The following PAK3 variants were observed in gnomAD, a reference collection of about 807,000 sequenced individuals.
PAK3 encodes the protein serine/threonine-protein kinase PAK 3.
PAK3 carries 4 observed loss-of-function variants against 41.0 expected under a neutral mutation model. The ratio of observed to expected loss-of-function variants is 0.10; its 90% CI spans 0.05 to 0.22. PAK3 has a LOEUF of 0.22. Ranked by LOEUF, PAK3 falls within the 10% of genes least tolerant of loss-of-function variation. The pLI is 1.00. For synonymous variants in PAK3, 146 were observed against 139.6 expected (o/e 1.05, Z -0.32); for missense variants, 205 against 409.9 (o/e 0.50, Z 4.32).
intron 16 of PAK3, among the ~76,000 whole-genome samples, chrX:111,209,960 C>G (rs941637332): frequency 9.0e-6 from 1 of 111,584 alleles, no homozygotes; most frequent in Non-Finnish European, 1.9e-5. Flanking sequence ...ACTTGGTAAC[C>G]TAGTTTTCTC....
At chrX:111,105,275 T>A (rs1362269893) in intron 4 of PAK3, among the ~76,000 whole-genome samples, 1 of 111,142 alleles carries the variant, frequency 9.0e-6, no homozygotes. Context: ...TATCATATTC[T>A]CACACACACA....
intron 1 of PAK3, among the ~76,000 whole-genome samples, chrX:110,989,859 CCCT>C (rs908834195): frequency 9.0e-6 from 1 of 110,951 alleles, no homozygotes; most frequent in Non-Finnish European, 1.9e-5. Context: ...GTCTTCAGTC[CCCT>C]CCTCCTAAAG....
chrX:111,001,718 C>G (rs1388542058), intron 1 of PAK3, among the ~76,000 whole-genome samples: 4 of 111,641 alleles, frequency 3.6e-5, no homozygotes, highest in African/African-American at 6.5e-5. Flanking sequence ...GCAAGCAGCC[C>G]CCTGGCCTGA....
chrX:110,977,169 C>T (rs183699847), intron 1 of PAK3, among the ~76,000 whole-genome samples: 5 of 109,631 alleles, frequency 4.6e-5, no homozygotes, highest in Middle Eastern at 4.8e-3. Flanking sequence ...TTCACCATTG[C>T]GATGTTAGGT....
intron 1 of PAK3, among the ~76,000 whole-genome samples, chrX:111,083,994 CTT>C (rs2092858135): frequency 8.9e-6 from 1 of 112,779 alleles, no homozygotes; most frequent in African/African-American, 3.2e-5. Context: ...ACAGTCAACT[CTT>C]TCAACCATGC....
At chrX:110,945,226 T>C (rs1324136264) in intron 1 of PAK3, among the ~76,000 whole-genome samples, 40 of 111,149 alleles carry the variant, frequency 3.6e-4, no homozygotes, top group African/African-American at 1.3e-3. Context: ...GAGTGGTGTG[T>C]GTGTGTGTGT....
chrX:111,202,661 C>A (rs1213668902), intron 16 of PAK3, among the ~76,000 whole-genome samples: 1 of 111,637 alleles, frequency 9.0e-6, no homozygotes, highest in Non-Finnish European at 1.9e-5. Context: ...TTTTGTCAAA[C>A]AAAACTTTGG....
intron 1 of PAK3, among the ~76,000 whole-genome samples, chrX:110,971,460 C>T (rs2091206156): frequency 8.9e-6 from 1 of 112,177 alleles, no homozygotes; most frequent in African/African-American, 3.2e-5. Context: ...ATTGTATGCA[C>T]ATACCATAAT....
At chrX:111,097,724 T>C (rs2093034162) in intron 3 of PAK3, 40 bp downstream of exon 3, 1 of 111,190 alleles carries the variant, frequency 9.0e-6, no homozygotes, top group Non-Finnish European at 1.9e-5. Context: ...AAAATTATAA[T>C]TGGGCAAGAT....
Position 111,012,474 on chromosome X carries a change from C to T in PAK3, c.-28+67846C>T, listed in dbSNP as rs993364149. ...ATTATTCTCCTGCCTTTTCTAGCCA[C>T]GATCACCTTAGGCTCAACCTTGAGA... is the stretch of plus-strand genomic sequence containing the variant. On this transcript the variant is annotated intron_variant, in intron 1 of 14. Transcript: ENST00000425146. 7.2e-5 allele frequency among the ~76,000 whole-genome samples: 8 copies of T among 111,789 alleles called. No individual in the cohort carries two copies. In the East Asian group the frequency reaches 8.4e-4, roughly 12 times the overall value.
chrX:111,021,243 C>G (rs1244777354), intron 1 of PAK3, among the ~76,000 whole-genome samples: 1 of 112,032 alleles, frequency 8.9e-6, no homozygotes, highest in African/African-American at 3.3e-5. Flanking sequence ...CAAAACCAGC[C>G]CACTACACAA....
At chrX:111,063,820 GA>G (rs142033510) in intron 1 of PAK3, among the ~76,000 whole-genome samples, 4,345 of 88,903 alleles carry the variant, frequency 0.049, 243 homozygotes, top group African/African-American at 0.16. Flanking sequence ...AGACTGTCTC[GA>G]AAAAAAAAAA....
At chrX:111,149,867 CT>C (rs1249274809) in intron 7 of PAK3, among the ~76,000 whole-genome samples, 1 of 112,395 alleles carries the variant, frequency 8.9e-6, no homozygotes, top group Non-Finnish European at 1.9e-5. Context: ...CTCCTTGCCA[CT>C]TATGCAAATT....
chrX:111,046,018 C>T (rs1184079365), intron 1 of PAK3, among the ~76,000 whole-genome samples: 1 of 111,850 alleles, frequency 8.9e-6, no homozygotes, highest in Non-Finnish European at 1.9e-5. Flanking sequence ...GTAATCTCAT[C>T]TCTTATTGTT....
chrX:111,036,152 A>G (rs1409873401), intron 1 of PAK3, among the ~76,000 whole-genome samples: 1 of 111,811 alleles, frequency 8.9e-6, no homozygotes, highest in Non-Finnish European at 1.9e-5. Context: ...TCCAATTGAG[A>G]CACTAGGAAT....
At chrX:111,128,623 A>C (rs886429745) in intron 5 of PAK3, among the ~76,000 whole-genome samples, 12 of 111,634 alleles carry the variant, frequency 1.1e-4, no homozygotes, top group African/African-American at 3.9e-4. Context: ...ACTATATCAC[A>C]CTACCTTGCA....
intron 1 of PAK3, among the ~76,000 whole-genome samples, chrX:111,004,392 T>C (rs767664359): frequency 8.0e-5 from 9 of 112,067 alleles, no homozygotes; most frequent in Non-Finnish European, 1.5e-4. Flanking sequence ...TGAGTGTATG[T>C]CTGAACTATA....
chrX:111,025,291 G>C (rs1367132469), intron 1 of PAK3, among the ~76,000 whole-genome samples: 1 of 110,292 alleles, frequency 9.1e-6, no homozygotes, highest in African/African-American at 3.3e-5. Flanking sequence ...AAATAACGAA[G>C]ATCAGAGCAG....
chrX:111,193,479 A>G (rs1389401079), intron 13 of PAK3, among the ~76,000 whole-genome samples: 1 of 108,332 alleles, frequency 9.2e-6, no homozygotes, highest in African/African-American at 3.4e-5. Flanking sequence ...CCTCCCAAGG[A>G]GCTGGGATTA....
Sources: allele counts gnomAD v4.1 joint callset (sites outside exome capture counted in the v4.1 genomes callset), GRCh38; gene constraint gnomAD v4.1.1; transcripts MANE v1.5; gene names NCBI Gene and HGNC (gene_info 2026-07-23, HGNC 2026-07-21).